MEGF11: variants seen among roughly 807,000 people sequenced by gnomAD.
MEGF11 encodes the protein multiple epidermal growth factor-like domains protein 11.
MEGF11 carries 126 observed loss-of-function variants against 146.6 expected under a neutral mutation model. The ratio of observed to expected loss-of-function variants is 0.86; its 90% CI spans 0.74 to 1.00. The LOEUF (loss-of-function observed/expected upper bound fraction) is 1.00, where lower values mean the gene tolerates loss of function less well. MEGF11 is among the 50% of genes least tolerant of loss of function. MEGF11 has a pLI of 0.00. For synonymous variants in MEGF11, 532 were observed against 583.4 expected (o/e 0.91, Z 1.27); for missense variants, 1,509 against 1,521.2 (o/e 0.99, Z 0.13).
intron 4 of MEGF11, among the ~76,000 whole-genome samples, chr15:66,095,518 C>G (rs2086507444): frequency 6.6e-6 from 1 of 152,188 alleles, no homozygotes; most frequent in African/African-American, 2.4e-5. Flanking sequence ...AGCAGATGGT[C>G]CCCTTTGATG....
intron 25 of MEGF11, 189 bp from the exon 26 acceptor site, chr15:65,898,283 A>G: frequency 1.0e-6 from 1 of 985,422 alleles, no homozygotes; most frequent in Non-Finnish European, 1.2e-6. Context: ...GTCAACATCC[A>G]AGCCTCTCAT....
At chr15:66,174,096 GC>G (rs1333367802) in intron 1 of MEGF11, among the ~76,000 whole-genome samples, 2 of 152,138 alleles carry the variant, frequency 1.3e-5, no homozygotes, top group African/African-American at 4.8e-5. Context: ...CTTCATTCTG[GC>G]CTGGTCTCAA....
At chr15:65,916,693 G>A (rs2141223623) in intron 17 of MEGF11, 135 bp downstream of exon 17, 1 of 1,439,330 alleles carries the variant, frequency 6.9e-7, no homozygotes, top group Non-Finnish European at 9.5e-7. Context: ...GTTCTCGTGG[G>A]GCAGGAGTCA....
chr15:66,030,490 A>C (rs568149855), intron 5 of MEGF11, among the ~76,000 whole-genome samples: 7 of 152,108 alleles, frequency 4.6e-5, no homozygotes, highest in Non-Finnish European at 2.9e-5. Context: ...GCTCACTGCA[A>C]TCTCCACCTC....
intron 10 of MEGF11, among the ~76,000 whole-genome samples, chr15:65,954,795 G>A (rs909006067): frequency 6.6e-6 from 1 of 152,186 alleles, no homozygotes; most frequent in Admixed American, 6.5e-5. Context: ...TAGTCTCCCA[G>A]GCCTTTCTGG....
intron 20 of MEGF11, 84 bp from the exon 21 acceptor site, chr15:65,912,284 G>C (rs990999415): frequency 7.4e-5 from 62 of 836,532 alleles, no homozygotes; most frequent in Non-Finnish European, 9.6e-5. Flanking sequence ...TGCGCTGGGA[G>C]CCTTGAGAGA....
At chr15:65,933,123 G>C (rs1305019497) in intron 10 of MEGF11, among the ~76,000 whole-genome samples, 1 of 152,108 alleles carries the variant, frequency 6.6e-6, no homozygotes, top group Non-Finnish European at 1.5e-5. Flanking sequence ...CTCGCCCTTG[G>C]GGGCAGGGAG....
rs1240915976 is a variant in MEGF11, at chr15:65,982,830, C to T, written c.395-342G>A. 6.6e-6 allele frequency among the ~76,000 whole-genome samples: 1 copy of T among 152,152 alleles called. No individual in the cohort carries two copies. The highest frequency in any genetic ancestry group is 1.5e-5 in the Non-Finnish European group (1 of 68,020). ...GGAGCCACAAGCTGTTTACATCCCTCTTTGCTAAGCTCTTGGTTGGCTGCC... is the reference window on the plus strand; with the variant it reads ...GGAGCCACAAGCTGTTTACATCCCTTTTTGCTAAGCTCTTGGTTGGCTGCC... On this transcript the variant is annotated intron_variant, in intron 5 of 25. Transcript: ENST00000395614. This position sits in a 1 kb window ranked among gnomAD's most constrained non-coding sequence, Gnocchi z 5.6.
At chr15:66,141,024 G>A (rs1377093345) in intron 1 of MEGF11, among the ~76,000 whole-genome samples, 4 of 152,176 alleles carry the variant, frequency 2.6e-5, no homozygotes, top group East Asian at 3.8e-4. Context: ...AAGAAAAATG[G>A]ATGGTTCCCA....
rs192713684 is a variant in MEGF11 at position 65,911,906 on chromosome 15, C to G, written c.2829+176G>C. Among the ~76,000 whole-genome samples, 29 of 152,340 alleles carry G rather than the reference C, an allele frequency of 1.9e-4. 1 individual carries two copies. In the East Asian group the frequency reaches 5.0e-3, roughly 26 times the overall value. The stretch of plus-strand genomic sequence containing the variant: ...TCCACATAACATGCTGGCTCCATTA[C>G]ATGCCTCACAGAGTGTTTACGTGTA... On this transcript the variant is annotated intron_variant, in intron 21 of 25. Transcript: ENST00000395614.
rs148032904 is a variant in MEGF11 at position 66,101,207 on chromosome 15, T to C, written c.302-6713A>G. 5.9e-3 allele frequency among the ~76,000 whole-genome samples: 893 copies of C among 152,194 alleles called. 4 individuals carry two copies. Among genetic ancestry groups the C allele is most frequent in the Non-Finnish European group, 9.9e-3 (672 of 67,990 alleles). On this transcript the variant is annotated intron_variant, in intron 4 of 25. Coordinates refer to ENST00000395614, the MANE Select transcript of MEGF11 (RefSeq NM_001385028.1). ...CATAGGAAGAGCTTCACAGAGAAAG[T>C]GACACTTGTCTGTGTGACTCCTTCA...
At chr15:66,248,627 T>C (rs2092329811) in intron 1 of MEGF11, among the ~76,000 whole-genome samples, 1 of 152,236 alleles carries the variant, frequency 6.6e-6, no homozygotes, top group South Asian at 2.1e-4. Flanking sequence ...GCCTCACATT[T>C]TGACTGTGGT....
chr15:65,928,338 A>C, intron 13 of MEGF11, 87 bp downstream of exon 13: 1 of 773,788 alleles, frequency 1.3e-6, no homozygotes, highest in Non-Finnish European at 2.1e-6. Context: ...GAAGAGAGGT[A>C]TTGAAGAAGA....
At chr15:65,955,668 C>G (rs903449603) in intron 10 of MEGF11, among the ~76,000 whole-genome samples, 3 of 137,604 alleles carry the variant, frequency 2.2e-5, no homozygotes, top group Admixed American at 7.7e-5. Context: ...TGCTTGAACC[C>G]AGGAGGCGGA....
chr15:66,061,037 G>A (rs1368518568), intron 5 of MEGF11, among the ~76,000 whole-genome samples: 2 of 152,214 alleles, frequency 1.3e-5, no homozygotes, highest in Non-Finnish European at 2.9e-5. Context: ...GGCCAGGGTA[G>A]CAGTGAAGAT....
At chr15:66,083,429 G>A (rs2085978514) in intron 5 of MEGF11, among the ~76,000 whole-genome samples, 1 of 152,038 alleles carries the variant, frequency 6.6e-6, no homozygotes, top group Admixed American at 6.5e-5. Flanking sequence ...GGGGAAACTG[G>A]ATATGCACAT....
At chr15:65,920,023 T>C (rs2079125826) in intron 15 of MEGF11, among the ~76,000 whole-genome samples, 1 of 152,252 alleles carries the variant, frequency 6.6e-6, no homozygotes, top group African/African-American at 2.4e-5. Flanking sequence ...GGAATACTAT[T>C]ATATAGTCTC....
Position 65,970,562 on chromosome 15 carries a change from A to G in MEGF11, c.890T>C (p.Met297Thr), listed in dbSNP as rs755053459. ...TGQCHCTAGY[M>T]GDRCQEECPF... ...TTAACACTATCCTTACCTGTCCCCC[A>G]TGTATCCAGCTGTACAGTGGCACTG... is the stretch of plus-strand genomic sequence containing the variant. The change falls in exon 8 of 26, where the codon ATG becomes ACG. Residue 297 changes from methionine (M) to threonine (T), a missense_variant. By Grantham distance (81) the Met-to-Thr change is moderately conservative. Transcript: ENST00000395614. 1 of 1,613,978 alleles carries G rather than the reference A, an allele frequency of 6.2e-7. No individual in the cohort carries two copies. The highest frequency in any genetic ancestry group is 8.5e-7 in the Non-Finnish European group (1 of 1,179,854).
chr15:65,949,887 A>G (rs2080332210), intron 10 of MEGF11, among the ~76,000 whole-genome samples: 1 of 152,300 alleles, frequency 6.6e-6, no homozygotes, highest in Middle Eastern at 3.4e-3. Flanking sequence ...GCAGAGGAGC[A>G]TGGTGGAGCC....
Sources: gnomAD v4.1 joint callset for allele counts (sites outside exome capture counted in the v4.1 genomes callset) on GRCh38, gnomAD v4.1.1 for gene constraint, Gnocchi (gnomAD v3.1) non-coding constraint, MANE v1.5 for transcripts, NCBI Gene and HGNC (gene_info 2026-07-23, HGNC 2026-07-21) for gene names.